CNIH4: variants seen among roughly 807,000 people sequenced by gnomAD.
The protein encoded by CNIH4 is protein cornichon homolog 4.
A neutral mutation model predicts 21.5 loss-of-function variants in CNIH4; 9 were observed. That is an observed-to-expected ratio of 0.42 (90% CI 0.25 to 0.73). The LOEUF is 0.73. Among genes scored for constraint, CNIH4 ranks in the 30% least tolerant of loss-of-function variants. CNIH4 has a pLI of 0.27. For synonymous variants in CNIH4, 67 were observed against 59.1 expected (o/e 1.13, Z -0.61); for missense variants, 159 against 170.0 (o/e 0.94, Z 0.36).
chr1:224,366,277 G>A (rs925130426), intron 3 of CNIH4, among the ~76,000 whole-genome samples: 2 of 151,566 alleles, frequency 1.3e-5, no homozygotes, highest in Non-Finnish European at 2.9e-5. Flanking sequence ...CCTGACCTCA[G>A]GTGATCTGCT....
Position 224,378,994 on chromosome 1 carries a change from GACT to G in CNIH4, c.*3177_*3179del. On this transcript the variant is annotated 3_prime_UTR_variant, in exon 5 of 5. Coordinates refer to ENST00000465271, the MANE Select transcript of CNIH4 (RefSeq NM_014184.4). ...GGCAGTACCCAGGGCCCGGTCCATAGACTACTATCGAGTGCTCCTATGTGCATC... is the reference window on the plus strand; with the variant it reads ...GGCAGTACCCAGGGCCCGGTCCATAGACTATCGAGTGCTCCTATGTGCATC... 1 of 1,434,396 alleles carries G rather than the reference GACT, an allele frequency of 7.0e-7. No individual in the cohort carries two copies. Among genetic ancestry groups the G allele is most frequent in the South Asian group, 1.2e-5 (1 of 81,696 alleles). 88.9% of individuals were successfully genotyped at this position (1,434,396 alleles called of 1,614,324 possible).
intron 4 of CNIH4, among the ~76,000 whole-genome samples, chr1:224,373,854 G>A (rs1259959658): frequency 6.6e-6 from 1 of 151,934 alleles, no homozygotes; most frequent in Non-Finnish European, 1.5e-5. Flanking sequence ...TAAAGTGGTG[G>A]GGAGTTGGAC....
At chr1:224,357,186 G>A (rs1443470775) in intron 1 of CNIH4, 193 bp downstream of exon 1, 1 of 608,994 alleles carries the variant, frequency 1.6e-6, no homozygotes, top group African/African-American at 1.9e-5. Flanking sequence ...CTACCCGACG[G>A]GCCCTGCTGC....
chr1:224,356,936 G>A lies in CNIH4; in HGVS notation c.12G>A (p.Val4=). 1 of 1,610,564 alleles carries A rather than the reference G, an allele frequency of 6.2e-7. No homozygotes were observed. The highest frequency in any genetic ancestry group is 8.5e-7 in the Non-Finnish European group (1 of 1,178,488). Residue 4 remains valine (V), a synonymous_variant, in exon 1 of 5, where the codon GTG becomes GTA. Coordinates refer to ENST00000465271, the MANE Select transcript of CNIH4 (RefSeq NM_014184.4). Reference sequence around the variant, plus strand: ...GACGGAGGAGGAGGATGGAGGCGGTGGTGTTCGTCTTCTCTCTCCTCGATT... The same window carrying A: ...GACGGAGGAGGAGGATGGAGGCGGTAGTGTTCGTCTTCTCTCTCCTCGATT... MEA[V]VFVFSLLDCC...
chr1:224,376,682 G>C lies in CNIH4; in HGVS notation c.*860G>C. On this transcript the variant is annotated 3_prime_UTR_variant, in exon 5 of 5. Coordinates refer to ENST00000465271, the MANE Select transcript of CNIH4 (RefSeq NM_014184.4). ...CCTTTTGGTGCGCCACGTGGTGCCAGATCAACACTTCTATCCCTCTGCACT... is the reference window on the plus strand; with the variant it reads ...CCTTTTGGTGCGCCACGTGGTGCCACATCAACACTTCTATCCCTCTGCACT... 1.0e-6 allele frequency: 1 copy of C among 985,466 alleles called. No homozygotes were observed. Among genetic ancestry groups the C allele is most frequent in the Non-Finnish European group, 1.2e-6 (1 of 829,956 alleles). 61.0% of individuals were successfully genotyped at this position (985,466 alleles called of 1,614,324 possible). A position where few individuals can be genotyped will look rare whatever the true frequency, so the allele number is the denominator to read the frequency against.
intron 2 of CNIH4, among the ~76,000 whole-genome samples, chr1:224,363,621 G>A (rs1462405061): frequency 6.6e-6 from 1 of 152,032 alleles, no homozygotes; most frequent in Non-Finnish European, 1.5e-5. Context: ...CACCATGCCT[G>A]GCTGATTATA....
At chr1:224,372,670 C>A (rs528791680) in intron 4 of CNIH4, among the ~76,000 whole-genome samples, 2 of 152,106 alleles carry the variant, frequency 1.3e-5, no homozygotes, top group South Asian at 4.1e-4. Flanking sequence ...GCAACCTCCA[C>A]CTCCCAGGTT....
chr1:224,356,845 C>T, upstream of CNIH4: 2 of 1,247,618 alleles, frequency 1.6e-6, no homozygotes, highest in Non-Finnish European at 2.3e-6. Flanking sequence ...CCTCAGCCAG[C>T]CCCGGCAAGG....
intron 2 of CNIH4, among the ~76,000 whole-genome samples, chr1:224,361,911 C>G (rs1319529744): frequency 6.6e-6 from 1 of 152,178 alleles, no homozygotes; most frequent in Non-Finnish European, 1.5e-5. Flanking sequence ...GATAAGGTAA[C>G]TGCCAATTAA....
Position 224,379,202 on chromosome 1 carries a change from A to G in CNIH4, c.*3380A>G, listed in dbSNP as rs1380734123. On this transcript the variant is annotated 3_prime_UTR_variant, in exon 5 of 5. Transcript: ENST00000465271. ...CCTTTTCATGCCTGCCACAGACTACAGTAGGACAAAACCTGACCTGGTCTT... is the reference window on the plus strand; with the variant it reads ...CCTTTTCATGCCTGCCACAGACTACGGTAGGACAAAACCTGACCTGGTCTT... 8 of 1,121,948 alleles carry G rather than the reference A, an allele frequency of 7.1e-6. No homozygotes were observed. Among genetic ancestry groups the G allele is most frequent in the African/African-American group, 1.5e-5 (1 of 64,666 alleles). The allele number at this position is 1,121,948 out of a possible 1,614,324, so 69.5% of individuals were successfully genotyped here. A position where few individuals can be genotyped will look rare whatever the true frequency, so the allele number is the denominator to read the frequency against.
intron 3 of CNIH4, among the ~76,000 whole-genome samples, chr1:224,366,935 C>G (rs1247838718): frequency 6.6e-6 from 1 of 150,768 alleles, no homozygotes; most frequent in East Asian, 2.0e-4. Flanking sequence ...TGCAACCAGC[C>G]TGGGCGACAG....
At chr1:224,368,668 T>A (rs1002660381) in intron 3 of CNIH4, among the ~76,000 whole-genome samples, 2 of 151,854 alleles carry the variant, frequency 1.3e-5, no homozygotes, top group African/African-American at 2.4e-5. Flanking sequence ...GCACTTTTTT[T>A]TTTTTCGAGA....
intron 3 of CNIH4, among the ~76,000 whole-genome samples, chr1:224,368,083 C>T (rs1672518077): frequency 6.6e-6 from 1 of 152,216 alleles, no homozygotes; most frequent in Non-Finnish European, 1.5e-5. Flanking sequence ...ATAATCCCAG[C>T]ACTTTAAGAG....
At chr1:224,364,495 CT>C in intron 2 of CNIH4, 1 of 556,666 alleles carries the variant, frequency 1.8e-6, no homozygotes, top group Non-Finnish European at 2.3e-6. Flanking sequence ...AACATTGTGG[CT>C]TAGAGAGGGT....
Position 224,376,586 on chromosome 1 carries a change from T to C in CNIH4, c.*764T>C. The C allele has an allele frequency of 3.0e-6, 3 of 985,424 alleles. No homozygotes were observed. Among genetic ancestry groups the C allele is most frequent in the Non-Finnish European group, 3.6e-6 (3 of 829,930 alleles). The allele number at this position is 985,424 out of a possible 1,614,324, so 61.0% of individuals were successfully genotyped here. A position where few individuals can be genotyped will look rare whatever the true frequency, so the allele number is the denominator to read the frequency against. The stretch of plus-strand genomic sequence containing the variant: ...ATTTGATCTCCCTGATAACGTATTT[T>C]CATGGGTTTGGGTAGAAGATGCTAA... On this transcript the variant is annotated 3_prime_UTR_variant, in exon 5 of 5. Transcript: ENST00000465271.
chr1:224,370,468 G>A (rs180924137), intron 3 of CNIH4, among the ~76,000 whole-genome samples: 1 of 152,222 alleles, frequency 6.6e-6, no homozygotes, highest in Non-Finnish European at 1.5e-5. Context: ...TTCATGGACA[G>A]TGCTAGGTTA....
rs373646080 is a variant in CNIH4 at position 224,373,386 on chromosome 1, C to T, written c.392+1963C>T. On this transcript the variant is annotated intron_variant, in intron 4 of 4. Transcript: ENST00000465271. ...CTGTTGGAAAGTAAACTAGAGCAGG[C>T]ATCTCCTGGGGGCGGTGCTGTAGGT... 1.6e-4 allele frequency among the ~76,000 whole-genome samples: 25 copies of T among 152,324 alleles called. No homozygotes were observed. The East Asian group carries it at 3.9e-3, about 23-fold the overall frequency.
intron 2 of CNIH4, chr1:224,364,299 C>A: frequency 1.0e-6 from 1 of 985,294 alleles, no homozygotes; most frequent in Non-Finnish European, 1.2e-6. Context: ...ATGACTGCAG[C>A]CTACAGTAAG....
intron 4 of CNIH4, among the ~76,000 whole-genome samples, chr1:224,374,958 G>A (rs1672738707): frequency 6.6e-6 from 1 of 152,138 alleles, no homozygotes; most frequent in Admixed American, 6.5e-5. Context: ...ATATTTTTGT[G>A]TATTTTAGGC....
Sources: allele counts gnomAD v4.1 joint callset (sites outside exome capture counted in the v4.1 genomes callset), GRCh38; gene constraint gnomAD v4.1.1; transcripts MANE v1.5; gene names NCBI Gene and HGNC (gene_info 2026-07-23, HGNC 2026-07-21).